Variants in RAI2 observed in about 807,000 individuals in gnomAD.
The protein encoded by RAI2 is retinoic acid-induced protein 2.
A neutral mutation model predicts 15.3 loss-of-function variants in RAI2; 5 were observed. The ratio of observed to expected loss-of-function variants is 0.33; its 90% confidence interval spans 0.17 to 0.69. The LOEUF (loss-of-function observed/expected upper bound fraction) is 0.69, where lower values mean the gene tolerates loss of function less well. Ranked by LOEUF, RAI2 falls within the 30% of genes least tolerant of loss-of-function variation. The probability of loss-of-function intolerance (pLI) is 0.69; values close to 1 mark genes in which losing one functional copy is unlikely to be tolerated. For missense variants in RAI2, 424 were observed against 424.7 expected (o/e 1.00, Z 0.01); for synonymous variants, 191 against 184.0 (o/e 1.04, Z -0.31).
chrX:17,819,585 A>T (rs1456120961), intron 1 of RAI2, among the ~76,000 whole-genome samples: 1 of 112,763 alleles, frequency 8.9e-6, no homozygotes, highest in Non-Finnish European at 1.9e-5. Flanking sequence ...GAAGCAACCT[A>T]AATGTTGGTC....
chrX:17,847,807 A>C (rs1454054992), intron 1 of RAI2, among the ~76,000 whole-genome samples: 1 of 112,222 alleles, frequency 8.9e-6, no homozygotes, highest in Non-Finnish European at 1.9e-5. Context: ...TGGAGTTAAC[A>C]GCGGGTTTGG....
At chrX:17,802,125 G>C (rs150605370) in intron 1 of RAI2, 91 bp from the exon 2 acceptor site, 5 of 1,040,009 alleles carry the variant, frequency 4.8e-6, no homozygotes, top group Non-Finnish European at 6.4e-6. Flanking sequence ...AAGTTTCCAC[G>C]TTTTAGTTAA....
intron 1 of RAI2, among the ~76,000 whole-genome samples, chrX:17,803,247 T>C (rs112522676): frequency 0.063 from 6,993 of 111,194 alleles, 544 homozygotes; most frequent in African/African-American, 0.21. Context: ...CAAACGAGGC[T>C]GGGTGCAGTG....
At chrX:17,823,077 G>C (rs2067185575) in intron 1 of RAI2, among the ~76,000 whole-genome samples, 2 of 112,568 alleles carry the variant, frequency 1.8e-5, no homozygotes, top group Non-Finnish European at 3.7e-5. Flanking sequence ...AATGAAATGA[G>C]ATGTAGATGC....
At chrX:17,814,591 C>G (rs1052887210) in intron 1 of RAI2, among the ~76,000 whole-genome samples, 11 of 108,827 alleles carry the variant, frequency 1.0e-4, no homozygotes, top group Non-Finnish European at 1.9e-4. Context: ...GTGAAGAAGA[C>G]ACTCCTTTAT....
intron 1 of RAI2, among the ~76,000 whole-genome samples, chrX:17,848,922 T>C (rs1435400019): frequency 8.9e-6 from 1 of 112,040 alleles, no homozygotes; most frequent in Non-Finnish European, 1.9e-5. Flanking sequence ...ACCCTCTTCC[T>C]CCCAAAAGAT....
chrX:17,806,446 A>G (rs757884289), intron 1 of RAI2, among the ~76,000 whole-genome samples: 2 of 112,263 alleles, frequency 1.8e-5, no homozygotes, highest in East Asian at 2.8e-4. Flanking sequence ...GGAGGTCAGT[A>G]AACAGTGGCA....
chrX:17,801,846 G>C lies in RAI2; in HGVS notation c.165C>G (p.Ala55=), dbSNP rs1364759218. 3.3e-6 allele frequency: 4 copies of C among 1,208,893 alleles called. No homozygotes were observed. Among genetic ancestry groups the C allele is most frequent in the Non-Finnish European group, 4.5e-6 (4 of 894,898 alleles). Residue 55 remains alanine (A), a synonymous_variant, in exon 2 of 2, where the codon GCC becomes GCG. Transcript: ENST00000451717. ...CGGCAGGGGGGTTCAGAATGGATGG[G>C]GCTGGCACGGTCACCAGGGCCTTCT... ...LVKKALVTVP[A]PSILNPPAES...
At chrX:17,834,567 T>G (rs2067314877) in intron 1 of RAI2, among the ~76,000 whole-genome samples, 1 of 110,554 alleles carries the variant, frequency 9.0e-6, no homozygotes, top group Non-Finnish European at 1.9e-5. Context: ...TGACAACGTC[T>G]AGGTCTTTAT....
chrX:17,810,782 C>T (rs1037377315), intron 1 of RAI2, among the ~76,000 whole-genome samples: 13 of 112,777 alleles, frequency 1.2e-4, no homozygotes, highest in African/African-American at 3.5e-4. Flanking sequence ...GGGGCCCACA[C>T]GGGCCTGACT....
intron 1 of RAI2, among the ~76,000 whole-genome samples, chrX:17,849,435 CTAAACG>C (rs2147277259): frequency 8.9e-6 from 1 of 112,365 alleles, no homozygotes; most frequent in African/African-American, 3.2e-5. Context: ...GTGTAAGTTA[CTAAACG>C]TATCCAAGCC....
chrX:17,808,959 T>C (rs185033368), intron 1 of RAI2, among the ~76,000 whole-genome samples: 2 of 112,544 alleles, frequency 1.8e-5, no homozygotes, highest in Admixed American at 1.9e-4. Flanking sequence ...TAATTCCAAC[T>C]GGGTAACAAC....
intron 1 of RAI2, among the ~76,000 whole-genome samples, chrX:17,815,329 A>ACACATGTGCACACGTG (rs1263808992): frequency 3.1e-4 from 2 of 6,359 alleles, no homozygotes; most frequent in Non-Finnish European, 7.5e-4. Context: ...ACGTGCACAC[A>ACACATGTGCACACGTG]CACACACACA....
chrX:17,833,990 G>A (rs1601923944), intron 1 of RAI2, among the ~76,000 whole-genome samples: 1 of 111,558 alleles, frequency 9.0e-6, no homozygotes, highest in South Asian at 3.8e-4. Context: ...CTCGACAAAG[G>A]CAATGCTGTC....
At chrX:17,854,730 T>C (rs180889334) in intron 1 of RAI2, among the ~76,000 whole-genome samples, 8 of 112,545 alleles carry the variant, frequency 7.1e-5, no homozygotes, top group African/African-American at 2.6e-4. Flanking sequence ...GAGGAGCTTT[T>C]CCAGGGAACT....
chrX:17,838,719 C>T (rs1339929456), intron 1 of RAI2, among the ~76,000 whole-genome samples: 1 of 110,979 alleles, frequency 9.0e-6, no homozygotes, highest in African/African-American at 3.3e-5. Flanking sequence ...ATCACATCCA[C>T]ACACACTCCA....
intron 1 of RAI2, among the ~76,000 whole-genome samples, chrX:17,826,732 G>A (rs758336627): frequency 6.3e-5 from 7 of 111,652 alleles, no homozygotes; most frequent in African/African-American, 2.3e-4. Flanking sequence ...CTTGGGTCAC[G>A]GGGCTGGTTT....
chrX:17,839,391 G>A (rs761868769), intron 1 of RAI2, among the ~76,000 whole-genome samples: 7 of 112,291 alleles, frequency 6.2e-5, no homozygotes, highest in Non-Finnish European at 1.1e-4. Flanking sequence ...TGCTGACTTC[G>A]TTGCCAGGGG....
At chrX:17,859,588 G>A (rs1189065465) in intron 1 of RAI2, among the ~76,000 whole-genome samples, 1 of 112,643 alleles carries the variant, frequency 8.9e-6, no homozygotes, top group Non-Finnish European at 1.9e-5. Context: ...TGCACACCCG[G>A]GCTCTGCGGA....
Sources: gnomAD v4.1 joint callset for allele counts (sites outside exome capture counted in the v4.1 genomes callset) on GRCh38, gnomAD v4.1.1 for gene constraint, MANE v1.5 for transcripts, NCBI Gene and HGNC (gene_info 2026-07-23, HGNC 2026-07-21) for gene names.